The following WDR72 variants were observed in gnomAD, a reference collection of about 807,000 sequenced individuals.
The protein encoded by WDR72 is WD repeat domain 72.
Under a neutral mutation model 124.2 loss-of-function variants are expected in WDR72, and 120 were observed. That is an observed-to-expected ratio of 0.97 (90% CI 0.83 to 1.12). WDR72 has a LOEUF of 1.12. Among genes scored for constraint, WDR72 ranks in the 50% most tolerant of loss-of-function variants. The pLI, the probability that WDR72 is intolerant of heterozygous loss-of-function variation, is 0.00. For missense variants in WDR72, 1,387 were observed against 1,278.8 expected (o/e 1.08, Z -1.29); for synonymous variants, 452 against 441.7 (o/e 1.02, Z -0.29).
intron 18 of WDR72, among the ~76,000 whole-genome samples, chr15:53,560,651 A>G (rs1192286150): frequency 6.6e-6 from 1 of 151,892 alleles, no homozygotes; most frequent in Non-Finnish European, 1.5e-5. Context: ...TAAGACATAA[A>G]TAACTTTGGA....
chr15:53,651,377 T>C (rs1209967674), intron 14 of WDR72, among the ~76,000 whole-genome samples: 1 of 152,200 alleles, frequency 6.6e-6, no homozygotes, highest in African/African-American at 2.4e-5. Flanking sequence ...CTGACAGTCT[T>C]GTTTTGTTTT....
At chr15:53,690,966 T>C (rs77628957) in intron 13 of WDR72, among the ~76,000 whole-genome samples, 5,929 of 152,286 alleles carry the variant, frequency 0.039, 141 homozygotes, top group Non-Finnish European at 0.05. Flanking sequence ...TAATACTCTT[T>C]GTTTTCCACT....
At chr15:53,558,482 C>T (rs1420320591) in intron 18 of WDR72, among the ~76,000 whole-genome samples, 1 of 152,056 alleles carries the variant, frequency 6.6e-6, no homozygotes, top group East Asian at 1.9e-4. Flanking sequence ...TTAAATATTA[C>T]TCCATAGATA....
chr15:53,721,667 C>T (rs181967143), intron 3 of WDR72, among the ~76,000 whole-genome samples: 2 of 152,286 alleles, frequency 1.3e-5, no homozygotes, highest in African/African-American at 4.8e-5. Flanking sequence ...CAAGCTGGAC[C>T]TTGATTCCTC....
intron 9 of WDR72, among the ~76,000 whole-genome samples, chr15:53,706,530 G>T (rs1291355534): frequency 6.6e-6 from 1 of 151,402 alleles, no homozygotes; most frequent in African/African-American, 2.4e-5. Flanking sequence ...AGATTGATTT[G>T]TCTAAGGCGA....
intron 18 of WDR72, among the ~76,000 whole-genome samples, chr15:53,527,385 C>G (rs1227621413): frequency 1.3e-5 from 2 of 151,980 alleles, no homozygotes; most frequent in African/African-American, 2.4e-5. Flanking sequence ...ACAACTCCCC[C>G]CAGAAACATT....
intron 18 of WDR72, among the ~76,000 whole-genome samples, chr15:53,591,230 T>C (rs577322491): frequency 5.3e-5 from 8 of 152,184 alleles, no homozygotes; most frequent in Non-Finnish European, 8.8e-5. Flanking sequence ...CACACTTTTA[T>C]GGTTAATGAT....
intron 18 of WDR72, among the ~76,000 whole-genome samples, chr15:53,578,422 C>G (rs2011731682): frequency 6.6e-6 from 1 of 152,126 alleles, no homozygotes; most frequent in Admixed American, 6.6e-5. Context: ...GGCTGCCCTT[C>G]TCATTGTATC....
At chr15:53,628,325 C>A (rs1354753970) in intron 14 of WDR72, among the ~76,000 whole-genome samples, 1 of 151,976 alleles carries the variant, frequency 6.6e-6, no homozygotes, top group Non-Finnish European at 1.5e-5. Flanking sequence ...AACTATGAAT[C>A]TATACTCAAG....
chr15:53,547,247 C>G (rs977686637), intron 18 of WDR72, among the ~76,000 whole-genome samples: 1 of 152,218 alleles, frequency 6.6e-6, no homozygotes, highest in African/African-American at 2.4e-5. Context: ...ATTCTCCTGC[C>G]TCAGCCTCCC....
rs925097786 is a variant in WDR72 at position 53,615,620 on chromosome 15, T to C, written c.2586A>G (p.Leu862=). 13 of 1,612,564 alleles carry C rather than the reference T, an allele frequency of 8.1e-6. No individual in the cohort carries two copies. The highest frequency in any genetic ancestry group is 1.0e-5 in the Non-Finnish European group (12 of 1,179,136). Residue 862 remains leucine, a synonymous_variant, in exon 15 of 20, where the codon TTA becomes TTG. Coordinates refer to ENST00000360509, the MANE Select transcript of WDR72 (RefSeq NM_182758.4). The part of the protein sequence containing the change: ...GMIKDYSGVN[L]FSRKVLDLSD... ...ACAAGTCCAAAACTTTCCTGGAAAA[T>C]AAATTTACTCCTGAATAGTCTTTTA...
rs7183723 is a variant in WDR72 at position 53,547,287 on chromosome 15, C to T, written c.3149-23965G>A. On this transcript the variant is annotated intron_variant, in intron 18 of 19. Coordinates refer to ENST00000360509, the MANE Select transcript of WDR72 (RefSeq NM_182758.4). ...TGCCGGGATTACAGGCATGTGCCAC[C>T]ACGCCTGGCTAATTTTGTATTTTTG... 2.2e-3 allele frequency among the ~76,000 whole-genome samples: 338 copies of T among 152,332 alleles called. 3 individuals are homozygous for T. The highest frequency in any genetic ancestry group is 7.7e-3 in the African/African-American group (322 of 41,572).
chr15:53,596,435 G>A (rs987765676), intron 18 of WDR72, among the ~76,000 whole-genome samples: 1 of 152,046 alleles, frequency 6.6e-6, no homozygotes, highest in African/African-American at 2.4e-5. Context: ...TGACAGTGAC[G>A]AAGTTTGTTA....
chr15:53,668,727 A>C (rs1479362246), intron 13 of WDR72, among the ~76,000 whole-genome samples: 1 of 151,838 alleles, frequency 6.6e-6, no homozygotes, highest in Non-Finnish European at 1.5e-5. Context: ...AACATTGGAG[A>C]AACTCCATCT....
chr15:53,685,620 A>G (rs2140490740), intron 13 of WDR72, among the ~76,000 whole-genome samples: 1 of 150,104 alleles, frequency 6.7e-6, no homozygotes, highest in Middle Eastern at 3.4e-3. Flanking sequence ...GAATGGAACC[A>G]AGTTGGAAAA....
rs1457954173 is a variant in WDR72 at position 53,711,356 on chromosome 15, G to T, written c.837C>A (p.Tyr279Ter). ...CCCACCTGTTCAGCAGCTGATAGAT[G>T]TAACTGTGACCATCTTCTGTCCAGA... The part of the protein sequence containing the change: ...ILIWTEDGHS[Y>*]IYQLLNSGLS... The change falls in exon 8 of 20, where the codon TAC (tyrosine) becomes TAA (stop). Residue 279 changes from tyrosine (Y) to a stop codon, truncating the protein, a stop_gained. Transcript: ENST00000360509. LOFTEE classifies it high-confidence loss of function. The T allele has an allele frequency of 6.2e-7, 1 of 1,614,170 alleles. No homozygotes were observed. Among genetic ancestry groups the T allele is most frequent in the East Asian group, 2.2e-5 (1 of 44,882 alleles).
chr15:53,668,997 G>A lies in WDR72; in HGVS notation c.1766-3229C>T, dbSNP rs1205243117. Among the ~76,000 whole-genome samples the A allele has an allele frequency of 3.3e-3, 351 of 106,378 alleles. 3 individuals are homozygous for A. The highest frequency in any genetic ancestry group is 7.0e-3 in the Non-Finnish European group (301 of 43,034). The allele number at this position is 106,378 out of a possible 152,430, so 69.8% of individuals were successfully genotyped here. ...AGGAGGAGAAGGAGAAGGAGGAGGAGAAGGAGAAGGAGAAGGAGAAAAGAA... is the reference window on the plus strand; with the variant it reads ...AGGAGGAGAAGGAGAAGGAGGAGGAAAAGGAGAAGGAGAAGGAGAAAAGAA... On this transcript the variant is annotated intron_variant, in intron 13 of 19. Coordinates refer to ENST00000360509, the MANE Select transcript of WDR72 (RefSeq NM_182758.4).
At chr15:53,725,142 A>G (rs2017984465) in intron 2 of WDR72, among the ~76,000 whole-genome samples, 1 of 152,178 alleles carries the variant, frequency 6.6e-6, no homozygotes, top group African/African-American at 2.4e-5. Flanking sequence ...AATATAGTCA[A>G]AAGATCTGAG....
chr15:53,745,034 T>TA (rs35297294), intron 1 of WDR72, among the ~76,000 whole-genome samples: 66,540 of 144,562 alleles, frequency 0.46, 15,625 homozygotes, highest in African/African-American at 0.6. Flanking sequence ...TACTTTATTG[T>TA]AAAAAAAAAA....
Sources: gnomAD v4.1 joint callset for allele counts (sites outside exome capture counted in the v4.1 genomes callset) on GRCh38, gnomAD v4.1.1 for gene constraint, MANE v1.5 for transcripts, NCBI Gene and HGNC (gene_info 2026-07-23, HGNC 2026-07-21) for gene names.